The following NFIA variants were observed in gnomAD, a reference collection of about 807,000 sequenced individuals.
The protein encoded by NFIA is nuclear factor 1 A-type.
In NFIA, 8 loss-of-function variants were observed where a neutral mutation model predicts 62.8. The ratio of observed to expected loss-of-function variants is 0.13; its 90% CI spans 0.07 to 0.23. The LOEUF is 0.23. Among genes scored for constraint, NFIA ranks in the 10% least tolerant of loss-of-function variants. The probability of loss-of-function intolerance (pLI) is 1.00; values close to 1 mark genes in which losing one functional copy is unlikely to be tolerated. For synonymous variants in NFIA, 235 were observed against 238.1 expected (o/e 0.99, Z 0.12); for missense variants, 410 against 642.1 (o/e 0.64, Z 3.91).
intron 2 of NFIA, among the ~76,000 whole-genome samples, chr1:61,109,889 G>A (rs1402379836): frequency 1.3e-5 from 2 of 151,934 alleles, no homozygotes; most frequent in African/African-American, 2.4e-5. Flanking sequence ...TCTATACTGT[G>A]TATCACTATC....
At chr1:61,107,498 A>G (rs1183367258) in intron 2 of NFIA, among the ~76,000 whole-genome samples, 2 of 151,520 alleles carry the variant, frequency 1.3e-5, no homozygotes, top group East Asian at 3.8e-4. Flanking sequence ...TTTGTCATTT[A>G]TTCATTTTTT....
At chr1:61,449,135 C>T (rs1015377741) in intron 10 of NFIA, among the ~76,000 whole-genome samples, 2 of 152,188 alleles carry the variant, frequency 1.3e-5, no homozygotes, top group African/African-American at 2.4e-5. Context: ...ACGCAGTTGG[C>T]CGCAACTGGC....
At chr1:61,284,444 C>CT (rs1231376079) in intron 3 of NFIA, among the ~76,000 whole-genome samples, 2 of 152,126 alleles carry the variant, frequency 1.3e-5, no homozygotes, top group Non-Finnish European at 2.9e-5. Context: ...ATTCCTGAGT[C>CT]TTTCTCTGTG....
intron 9 of NFIA, among the ~76,000 whole-genome samples, chr1:61,425,694 G>A (rs1666834281): frequency 6.6e-6 from 1 of 152,098 alleles, no homozygotes; most frequent in Non-Finnish European, 1.5e-5. Context: ...GTAGAAAGAA[G>A]CTCTTAAGTA....
chr1:61,380,226 C>T lies in NFIA; in HGVS notation c.947-3011C>T, dbSNP rs1664349433. On this transcript the variant is annotated intron_variant, in intron 6 of 10. Transcript: ENST00000403491. Reference sequence around the variant, plus strand: ...TGAAACAAAACATTATGCTAGATTTCTGCTTCTCATTCTACAAAAGTCTTT... The same window carrying T: ...TGAAACAAAACATTATGCTAGATTTTTGCTTCTCATTCTACAAAAGTCTTT... Among the ~76,000 whole-genome samples, 3 of 152,176 alleles carry T rather than the reference C, an allele frequency of 2.0e-5. No homozygotes were observed. The South Asian group carries it at 6.2e-4, about 32-fold the overall frequency.
intron 3 of NFIA, among the ~76,000 whole-genome samples, chr1:61,310,738 C>G (rs985063061): frequency 8.0e-6 from 1 of 124,592 alleles, no homozygotes; most frequent in Non-Finnish European, 1.8e-5. Flanking sequence ...CCTCCCCTCT[C>G]ATCCCCTCCT....
At position 61,461,173 on chromosome 1, in the gene NFIA, C is replaced by G. The variant is rs944716861; in HGVS notation, c.*5853C>G. 1 of 152,094 alleles carries G rather than the reference C, an allele frequency of 6.6e-6. No homozygotes were observed. The highest frequency in any genetic ancestry group is 2.4e-5 in the African/African-American group (1 of 41,400). The allele number at this position is 152,094 out of a possible 1,614,324, so 9.4% of individuals were successfully genotyped here. A position where few individuals can be genotyped will look rare whatever the true frequency, so the allele number is the denominator to read the frequency against. ...TGCAAGTCAGGGGCATTTTCCTTGA[C>G]CCTTGACTGATGCTATGCGGAGACT... On this transcript the variant is annotated 3_prime_UTR_variant, in exon 11 of 11. Transcript: ENST00000403491.
chr1:61,433,371 T>G (rs919281313), intron 10 of NFIA, among the ~76,000 whole-genome samples: 12 of 152,212 alleles, frequency 7.9e-5, no homozygotes, highest in African/African-American at 2.9e-4. Context: ...CTAAGATAAC[T>G]CCTTTATTTT....
At chr1:61,299,068 C>A (rs968457717) in intron 3 of NFIA, among the ~76,000 whole-genome samples, 3 of 152,010 alleles carry the variant, frequency 2.0e-5, no homozygotes, top group African/African-American at 7.2e-5. Context: ...AGCTCTTTTC[C>A]ATTGCTTGAC....
chr1:61,272,596 T>C (rs1414451081), intron 2 of NFIA, among the ~76,000 whole-genome samples: 1 of 152,116 alleles, frequency 6.6e-6, no homozygotes, highest in Non-Finnish European at 1.5e-5. Flanking sequence ...TTCTGCAGAG[T>C]ACTTATCTTC....
intron 7 of NFIA, among the ~76,000 whole-genome samples, chr1:61,401,505 T>C (rs944078024): frequency 6.6e-6 from 1 of 152,218 alleles, no homozygotes; most frequent in East Asian, 1.9e-4. Context: ...TTATTTCTTC[T>C]ATCTCATTTC....
chr1:61,315,355 TA>T (rs1180721712), intron 3 of NFIA, among the ~76,000 whole-genome samples: 1 of 152,106 alleles, frequency 6.6e-6, no homozygotes, highest in Non-Finnish European at 1.5e-5. Flanking sequence ...TTCGAGGGAG[TA>T]AATGAAATTG....
At chr1:61,451,243 G>A (rs80350032) in intron 10 of NFIA, among the ~76,000 whole-genome samples, 2,845 of 152,296 alleles carry the variant, frequency 0.019, 91 homozygotes, top group African/African-American at 0.064. Flanking sequence ...TCATGGAGCT[G>A]TAAATTAACG....
chr1:61,278,016 CT>C (rs34763915), intron 3 of NFIA, among the ~76,000 whole-genome samples: 11 of 150,348 alleles, frequency 7.3e-5, no homozygotes, highest in Admixed American at 7.3e-4. Context: ...AGTTTTAAGC[CT>C]TTTGGGAGCT....
At chr1:61,341,972 T>C (rs1457419933) in intron 4 of NFIA, among the ~76,000 whole-genome samples, 2 of 152,184 alleles carry the variant, frequency 1.3e-5, no homozygotes, top group African/African-American at 4.8e-5. Context: ...TACATTATCA[T>C]AGCTAACTCT....
In NFIA at chr1:61,458,950, G is replaced by T. The variant is rs1201761477; in HGVS notation, c.*3630G>T. 1 of 152,084 alleles carries T rather than the reference G, an allele frequency of 6.6e-6. No homozygotes were observed. Among genetic ancestry groups the T allele is most frequent in the Non-Finnish European group, 1.5e-5 (1 of 68,022 alleles). 9.4% of individuals were successfully genotyped at this position (152,084 alleles called of 1,614,324 possible). A position where few individuals can be genotyped will look rare whatever the true frequency, so the allele number is the denominator to read the frequency against. On this transcript the variant is annotated 3_prime_UTR_variant, in exon 11 of 11. Coordinates refer to ENST00000403491, the MANE Select transcript of NFIA (RefSeq NM_001134673.4). ...CAGTCTAGGGTGATAACGAACAGGG[G>T]TTAAGTATTAAATACACGAAGTTAC...
In NFIA at chr1:61,459,493, A is replaced by G. The variant is rs1193354594; in HGVS notation, c.*4173A>G. On this transcript the variant is annotated 3_prime_UTR_variant, in exon 11 of 11. Transcript: ENST00000403491. ...TTGAACTGATGTTCTGTGTCTTCAC[A>G]CCCTGGCATGACAGTTACGTGTGGT... The G allele has an allele frequency of 6.6e-6, 1 of 152,170 alleles. No individual in the cohort carries two copies. The highest frequency in any genetic ancestry group is 1.5e-5 in the Non-Finnish European group (1 of 68,124). The allele number at this position is 152,170 out of a possible 1,614,324, so 9.4% of individuals were successfully genotyped here.
chr1:61,277,712 G>T (rs1017528260), intron 3 of NFIA, 127 bp downstream of exon 3: 4 of 859,832 alleles, frequency 4.7e-6, no homozygotes, highest in Non-Finnish European at 7.3e-6. Context: ...CAAAGACTCG[G>T]AAAAACTCAA....
At chr1:61,322,634 G>GTGTGCTTTCTGGCTATCAACCACGTA (rs572786015) in intron 3 of NFIA, among the ~76,000 whole-genome samples, 1,739 of 152,312 alleles carry the variant, frequency 0.011, 16 homozygotes, top group Non-Finnish European at 0.018. Flanking sequence ...AGTCTGGAAA[G>GTGTGCTTTCTGGCTATCAACCACGTA]TGTGCTTTCT....
Sources: allele counts gnomAD v4.1 joint callset (sites outside exome capture counted in the v4.1 genomes callset), GRCh38; gene constraint gnomAD v4.1.1; transcripts MANE v1.5; gene names NCBI Gene and HGNC (gene_info 2026-07-23, HGNC 2026-07-21).